Variants in NDUFAF2 observed in about 807,000 individuals in gnomAD.
NDUFAF2 encodes NADH:ubiquinone oxidoreductase complex assembly factor 2.
In NDUFAF2, 13 loss-of-function variants were observed where a neutral mutation model predicts 22.8. The observed-to-expected ratio is 0.57, with a 90% CI of 0.37 to 0.91. The LOEUF (loss-of-function observed/expected upper bound fraction) is 0.91, where lower values mean the gene tolerates loss of function less well. Among genes scored for constraint, NDUFAF2 ranks in the 40% least tolerant of loss-of-function variants. NDUFAF2 has a pLI of 0.01. For missense variants in NDUFAF2, 162 were observed against 195.2 expected (o/e 0.83, Z 1.01); for synonymous variants, 53 against 64.2 (o/e 0.83, Z 0.84).
intron 1 of NDUFAF2, among the ~76,000 whole-genome samples, chr5:61,030,493 G>A (rs1457507342): frequency 6.6e-6 from 1 of 151,756 alleles, no homozygotes; most frequent in African/African-American, 2.4e-5. Flanking sequence ...TCCTTTTATT[G>A]GATCTTACTA....
intron 3 of NDUFAF2, among the ~76,000 whole-genome samples, chr5:61,104,249 A>G (rs759017846): frequency 6.6e-6 from 1 of 152,124 alleles, no homozygotes; most frequent in Non-Finnish European, 1.5e-5. Flanking sequence ...TCCTAACTCT[A>G]TTCCATTAGA....
chr5:61,091,956 T>C (rs1008521032), intron 2 of NDUFAF2, among the ~76,000 whole-genome samples: 6 of 152,222 alleles, frequency 3.9e-5, no homozygotes, highest in African/African-American at 1.4e-4. Context: ...TAAGAAATTC[T>C]TTCCCCATTG....
intron 1 of NDUFAF2, among the ~76,000 whole-genome samples, chr5:60,980,569 C>T (rs546747078): frequency 6.6e-6 from 1 of 152,102 alleles, no homozygotes; most frequent in South Asian, 2.1e-4. Flanking sequence ...GTCAGAAGTT[C>T]GAGACCATCC....
At chr5:61,016,012 C>G (rs1414183358) in intron 1 of NDUFAF2, among the ~76,000 whole-genome samples, 1 of 152,002 alleles carries the variant, frequency 6.6e-6, no homozygotes, top group Non-Finnish European at 1.5e-5. Flanking sequence ...ATGGTGAAAC[C>G]CTGTCTCTAC....
chr5:61,065,972 C>T lies in NDUFAF2; in HGVS notation c.128-7153C>T, dbSNP rs1284175323. 4.6e-5 allele frequency among the ~76,000 whole-genome samples: 7 copies of T among 151,624 alleles called. No homozygotes were observed. The East Asian group carries it at 5.8e-4, about 13-fold the overall frequency. On this transcript the variant is annotated intron_variant, in intron 1 of 3. Transcript: ENST00000296597. The stretch of plus-strand genomic sequence containing the variant: ...AAGATTTTAGCAAAAATAAAAAACC[C>T]GTTAGAACTAATAAATGAATTCAGT...
chr5:60,952,215 C>T (rs73759447), intron 1 of NDUFAF2, among the ~76,000 whole-genome samples: 2,144 of 151,768 alleles, frequency 0.014, 53 homozygotes, highest in African/African-American at 0.049. Context: ...CAGAACTTAT[C>T]GCTTTCTCTT....
At chr5:61,151,336 C>CT (rs796373419) in intron 3 of NDUFAF2, among the ~76,000 whole-genome samples, 132 of 145,452 alleles carry the variant, frequency 9.1e-4, no homozygotes, top group African/African-American at 2.2e-3. Flanking sequence ...CTTGACAGAA[C>CT]TTTTTTTTTT....
intron 1 of NDUFAF2, among the ~76,000 whole-genome samples, chr5:60,950,378 G>A (rs1750528183): frequency 6.6e-6 from 1 of 151,844 alleles, no homozygotes; most frequent in African/African-American, 2.4e-5. Flanking sequence ...GAGAGATGGG[G>A]TTCGCCATGT....
At chr5:61,012,220 A>G (rs162232) in intron 1 of NDUFAF2, among the ~76,000 whole-genome samples, 30,547 of 151,896 alleles carry the variant, frequency 0.2, 3,238 homozygotes, top group South Asian at 0.28. Flanking sequence ...GTTGCTGTAT[A>G]TGATGATGAT....
intron 3 of NDUFAF2, among the ~76,000 whole-genome samples, chr5:61,148,875 A>G (rs1483805004): frequency 2.0e-5 from 3 of 152,256 alleles, no homozygotes; most frequent in African/African-American, 7.2e-5. Flanking sequence ...GAATATGGAA[A>G]AATCTGTAAT....
At chr5:61,011,887 T>A (rs778866567) in intron 1 of NDUFAF2, among the ~76,000 whole-genome samples, 1 of 152,042 alleles carries the variant, frequency 6.6e-6, no homozygotes, top group Non-Finnish European at 1.5e-5. Flanking sequence ...TTAAAAAAAA[T>A]AAATTAGCAG....
chr5:61,024,920 C>G (rs1751630729), intron 1 of NDUFAF2, among the ~76,000 whole-genome samples: 1 of 151,938 alleles, frequency 6.6e-6, no homozygotes, highest in Non-Finnish European at 1.5e-5. Context: ...CTATTTCATG[C>G]TTCCATGTGT....
chr5:61,030,878 G>A (rs1466717787), intron 1 of NDUFAF2, among the ~76,000 whole-genome samples: 1 of 152,056 alleles, frequency 6.6e-6, no homozygotes, highest in Non-Finnish European at 1.5e-5. Context: ...TATTTTAGAT[G>A]AGAACGTTGC....
chr5:61,099,213 TA>T (rs1157396089), intron 3 of NDUFAF2, among the ~76,000 whole-genome samples, 181 bp downstream of exon 3: 4 of 150,610 alleles, frequency 2.7e-5, no homozygotes, highest in Admixed American at 2.7e-4. Context: ...TAATATATGA[TA>T]AAATAAATGC....
rs117626839 is a variant in NDUFAF2, at chr5:61,100,686, C to T, written c.258+1654C>T. ...CTACCACAGAACCTCAACTGAAATC[C>T]GTCTGTGCCTGCAAGATAGTGAGTT... On this transcript the variant is annotated intron_variant, in intron 3 of 3. Coordinates refer to ENST00000296597, the MANE Select transcript of NDUFAF2 (RefSeq NM_174889.5). Among the ~76,000 whole-genome samples the T allele has an allele frequency of 3.0e-3, 461 of 152,162 alleles. 6 individuals carry two copies. In the East Asian group the frequency reaches 0.041, roughly 13 times the overall value.
intron 3 of NDUFAF2, among the ~76,000 whole-genome samples, chr5:61,150,619 A>G (rs188274210): frequency 1.3e-5 from 2 of 152,318 alleles, no homozygotes; most frequent in African/African-American, 4.8e-5. Flanking sequence ...TATAGAGGTG[A>G]CATAAATAAA....
intron 1 of NDUFAF2, among the ~76,000 whole-genome samples, chr5:60,949,876 A>T (rs1200286997): frequency 6.6e-6 from 1 of 152,118 alleles, no homozygotes; most frequent in Non-Finnish European, 1.5e-5. Flanking sequence ...CGTAATTTCT[A>T]ATTCTTTGTT....
chr5:60,952,824 T>G (rs1028426738), intron 1 of NDUFAF2, among the ~76,000 whole-genome samples: 1 of 152,166 alleles, frequency 6.6e-6, no homozygotes, highest in Non-Finnish European at 1.5e-5. Flanking sequence ...TGTCTTTTAC[T>G]CTTTCCAGTT....
chr5:60,985,185 G>A (rs1259733846), intron 1 of NDUFAF2, among the ~76,000 whole-genome samples: 1 of 152,158 alleles, frequency 6.6e-6, no homozygotes, highest in Non-Finnish European at 1.5e-5. Flanking sequence ...TTTTCGTAGA[G>A]GTGTTTATAG....
Sources: allele counts gnomAD v4.1 joint callset (sites outside exome capture counted in the v4.1 genomes callset), GRCh38; gene constraint gnomAD v4.1.1; transcripts MANE v1.5; gene names NCBI Gene and HGNC (gene_info 2026-07-23, HGNC 2026-07-21).